The following BRINP1 variants were observed in gnomAD, a reference collection of about 807,000 sequenced individuals.
BRINP1 encodes the protein BMP/retinoic acid inducible neural specific 1.
In BRINP1, 17 loss-of-function variants were observed where a neutral mutation model predicts 72.9. The observed-to-expected ratio is 0.23, with a 90% CI of 0.16 to 0.35. The LOEUF (loss-of-function observed/expected upper bound fraction) is 0.35. BRINP1 is among the 10% of genes least tolerant of loss of function. The probability of loss-of-function intolerance (pLI) is 1.00; values close to 1 mark genes in which losing one functional copy is unlikely to be tolerated. For missense variants in BRINP1, 850 were observed against 1,001.6 expected (o/e 0.85, Z 2.04); for synonymous variants, 418 against 378.5 (o/e 1.10, Z -1.21).
intron 7 of BRINP1, among the ~76,000 whole-genome samples, chr9:119,197,295 G>A (rs1829748464): frequency 6.6e-6 from 1 of 152,104 alleles, no homozygotes; most frequent in African/African-American, 2.4e-5. Context: ...AGTCTCCCCA[G>A]CAGGAATGCA....
At chr9:119,276,358 T>C (rs1830658216) in intron 2 of BRINP1, among the ~76,000 whole-genome samples, 1 of 152,232 alleles carries the variant, frequency 6.6e-6, no homozygotes, top group African/African-American at 2.4e-5. Flanking sequence ...TTTCTTTTCA[T>C]ATGTATATGT....
intron 1 of BRINP1, among the ~76,000 whole-genome samples, chr9:119,354,636 G>T (rs1460034835): frequency 1.3e-5 from 2 of 152,008 alleles, no homozygotes; most frequent in Non-Finnish European, 2.9e-5. Context: ...AAGGCAGGAG[G>T]ATCGCTTAAG....
In BRINP1 at chr9:119,369,351, G is replaced by C. The variant is rs1445488044; in HGVS notation, c.-346C>G. 2 of 398,194 alleles carry C rather than the reference G, an allele frequency of 5.0e-6. No individual in the cohort carries two copies. Among genetic ancestry groups the C allele is most frequent in the African/African-American group, 4.1e-5 (2 of 48,636 alleles). 24.7% of individuals were successfully genotyped at this position (398,194 alleles called of 1,614,324 possible). A position where few individuals can be genotyped will look rare whatever the true frequency, so the allele number is the denominator to read the frequency against. ...CTCGCTCGCTCTCTCCCTCTCTCGC[G>C]GGTTCGCTCGCCTGCGCTCTCCTCC... is the stretch of plus-strand genomic sequence containing the variant. On this transcript the variant is annotated 5_prime_UTR_variant, in exon 1 of 8. Coordinates refer to ENST00000265922, the MANE Select transcript of BRINP1 (RefSeq NM_014618.3).
chr9:119,168,709 A>T (rs1564207520), intron 7 of BRINP1, among the ~76,000 whole-genome samples: 1 of 152,222 alleles, frequency 6.6e-6, no homozygotes, highest in Non-Finnish European at 1.5e-5. Context: ...AACATCTACC[A>T]ACTTCAACAA....
At chr9:119,360,664 A>C (rs1831620166) in intron 1 of BRINP1, among the ~76,000 whole-genome samples, 1 of 152,178 alleles carries the variant, frequency 6.6e-6, no homozygotes, top group Non-Finnish European at 1.5e-5. Context: ...CCTCCAACTG[A>C]ATCAGCTTGT....
chr9:119,301,554 T>C (rs1830939230), intron 2 of BRINP1, among the ~76,000 whole-genome samples: 1 of 152,208 alleles, frequency 6.6e-6, no homozygotes, highest in Admixed American at 6.5e-5. Flanking sequence ...TGTAAAGGGC[T>C]AGCATAAGAA....
At chr9:119,302,361 T>C (rs1314458991) in intron 2 of BRINP1, among the ~76,000 whole-genome samples, 1 of 152,186 alleles carries the variant, frequency 6.6e-6, no homozygotes, top group Non-Finnish European at 1.5e-5. Flanking sequence ...AATGAAAATA[T>C]TGCCTTTTGT....
chr9:119,366,549 TG>T (rs1564259557), intron 1 of BRINP1, among the ~76,000 whole-genome samples: 2 of 149,634 alleles, frequency 1.3e-5, no homozygotes, highest in African/African-American at 5.0e-5. Flanking sequence ...TGTGTGTGTG[TG>T]TGTGTGTGTG....
chr9:119,293,511 A>G (rs1002679936), intron 2 of BRINP1, among the ~76,000 whole-genome samples: 1 of 152,236 alleles, frequency 6.6e-6, no homozygotes, highest in Admixed American at 6.5e-5. Flanking sequence ...TGAAACAGAA[A>G]GGTAGTTGTA....
rs921770819 is a variant in BRINP1 at position 119,169,171 on chromosome 9, G to A, written c.1146-947C>T. Among the ~76,000 whole-genome samples, 61 of 152,344 alleles carry A rather than the reference G, an allele frequency of 4.0e-4. 1 individual carries two copies. Among genetic ancestry groups the A allele is most frequent in the East Asian group, 1.7e-3 (9 of 5,170 alleles). On this transcript the variant is annotated intron_variant, in intron 7 of 7. Transcript: ENST00000265922. Reference sequence around the variant, plus strand: ...ACAGCTCCAGTCTACAGCTCCCAGCGTGAGCGACGCAGAAGACAGTGATTT... The same window carrying A: ...ACAGCTCCAGTCTACAGCTCCCAGCATGAGCGACGCAGAAGACAGTGATTT...
At position 119,358,740 on chromosome 9, in the gene BRINP1, G is replaced by C. The variant is rs144232873; in HGVS notation, c.-51+10316C>G. ...GAGAGGTTGGAATTTCAGCTGGATTGTGTTGAAGATAACTTTCTGCCTTTA... is the reference window on the plus strand; with the variant it reads ...GAGAGGTTGGAATTTCAGCTGGATTCTGTTGAAGATAACTTTCTGCCTTTA... On this transcript the variant is annotated intron_variant, in intron 1 of 7. Coordinates refer to ENST00000265922, the MANE Select transcript of BRINP1 (RefSeq NM_014618.3). Among the ~76,000 whole-genome samples, 121 of 152,302 alleles carry C rather than the reference G, an allele frequency of 7.9e-4. 1 individual carries two copies. The highest frequency in any genetic ancestry group is 1.4e-3 in the Non-Finnish European group (97 of 68,002).
At chr9:119,172,905 GA>G (rs1564208829) in intron 7 of BRINP1, among the ~76,000 whole-genome samples, 1 of 150,932 alleles carries the variant, frequency 6.6e-6, no homozygotes, top group East Asian at 1.9e-4. Flanking sequence ...CATAGATGCA[GA>G]AAAAGCCTTT....
At chr9:119,237,645 A>C (rs1373796905) in intron 5 of BRINP1, among the ~76,000 whole-genome samples, 2 of 150,952 alleles carry the variant, frequency 1.3e-5, no homozygotes, top group African/African-American at 4.9e-5. Context: ...TATAGGCATG[A>C]GCCACCGCGC....
At chr9:119,234,903 A>G (rs1180794777) in intron 5 of BRINP1, among the ~76,000 whole-genome samples, 1 of 152,148 alleles carries the variant, frequency 6.6e-6, no homozygotes, top group African/African-American at 2.4e-5. Context: ...ATTAGGTTAT[A>G]TATTATCTTG....
At chr9:119,169,720 T>TA (rs1202735992) in intron 7 of BRINP1, among the ~76,000 whole-genome samples, 7 of 152,218 alleles carry the variant, frequency 4.6e-5, no homozygotes, top group Non-Finnish European at 8.8e-5. Context: ...TCTGCAGACT[T>TA]AAATGTTCCT....
intron 2 of BRINP1, among the ~76,000 whole-genome samples, chr9:119,256,670 C>T (rs1348027219): frequency 6.6e-6 from 1 of 152,136 alleles, no homozygotes; most frequent in African/African-American, 2.4e-5. Flanking sequence ...GTTTCTATTG[C>T]TTAAAAGGTT....
At chr9:119,211,210 T>TTATC (rs1829923681) in intron 6 of BRINP1, among the ~76,000 whole-genome samples, 1 of 150,606 alleles carries the variant, frequency 6.6e-6, no homozygotes, top group African/African-American at 2.5e-5. Flanking sequence ...ATTTATTTAT[T>TTATC]TTTTGAGACA....
At chr9:119,273,502 C>T (rs1471405194) in intron 2 of BRINP1, among the ~76,000 whole-genome samples, 2 of 152,068 alleles carry the variant, frequency 1.3e-5, no homozygotes, top group South Asian at 2.1e-4. Context: ...GTGAGCAAGG[C>T]AGGGAGGCTG....
At chr9:119,208,680 G>A in intron 7 of BRINP1, 39 bp downstream of exon 7, 1 of 1,579,938 alleles carries the variant, frequency 6.3e-7, no homozygotes, top group Non-Finnish European at 8.7e-7. Context: ...CTAACGCCAG[G>A]TAGGTGCCTG....
Sources: allele counts gnomAD v4.1 joint callset (sites outside exome capture counted in the v4.1 genomes callset), GRCh38; gene constraint gnomAD v4.1.1; transcripts MANE v1.5; gene names NCBI Gene and HGNC (gene_info 2026-07-23, HGNC 2026-07-21).